The following GLCCI1 variants were observed in gnomAD, a reference collection of about 807,000 sequenced individuals.
The protein encoded by GLCCI1 is glucocorticoid induced 1, also known as glucocorticoid-induced transcript 1 protein.
Under a neutral mutation model 52.2 loss-of-function variants are expected in GLCCI1, and 24 were observed. That is an observed-to-expected ratio of 0.46 (90% CI 0.33 to 0.65). The LOEUF is 0.65. GLCCI1 is among the 30% of genes least tolerant of loss of function. The probability of loss-of-function intolerance (pLI) is 0.02; values close to 1 mark genes in which losing one functional copy is unlikely to be tolerated. For missense variants in GLCCI1, 704 were observed against 701.5 expected (o/e 1.00, Z -0.04); for synonymous variants, 310 against 276.5 (o/e 1.12, Z -1.20).
intron 2 of GLCCI1, 59 bp downstream of exon 2, chr7:8,004,118 G>A: frequency 2.8e-6 from 4 of 1,411,762 alleles, no homozygotes; most frequent in Non-Finnish European, 3.8e-6. Flanking sequence ...TTTGATCACA[G>A]TAAAGAAAAT....
intron 5 of GLCCI1, among the ~76,000 whole-genome samples, chr7:8,060,486 T>C (rs1416109690): frequency 2.6e-5 from 4 of 152,248 alleles, no homozygotes. Flanking sequence ...CAGTGGTCTC[T>C]CATTTCCCTG....
intron 1 of GLCCI1, among the ~76,000 whole-genome samples, chr7:8,001,029 C>T (rs1583960438): frequency 6.6e-6 from 1 of 152,106 alleles, no homozygotes; most frequent in Admixed American, 6.6e-5. Context: ...GGGCATTTAG[C>T]CCATTTACAT....
rs143677628 is a variant in GLCCI1 at position 7,994,014 on chromosome 7, A to G, written c.458-9894A>G. On this transcript the variant is annotated intron_variant, in intron 1 of 7. Transcript: ENST00000223145. ...TTGTCCTTGAATCTTTTGTTTGGCT[A>G]TTGTCTTAATCTGTTTCGTATTGCT... is the stretch of plus-strand genomic sequence containing the variant. Among the ~76,000 whole-genome samples the G allele has an allele frequency of 6.1e-3, 935 of 152,256 alleles. 11 individuals are homozygous for G. Among genetic ancestry groups the G allele is most frequent in the African/African-American group, 0.019 (802 of 41,552 alleles).
intron 1 of GLCCI1, among the ~76,000 whole-genome samples, chr7:7,979,006 T>A (rs1280292280): frequency 1.3e-5 from 2 of 152,222 alleles, no homozygotes; most frequent in Non-Finnish European, 2.9e-5. Flanking sequence ...GGAGTTACTC[T>A]GACACATTGA....
Position 7,969,262 on chromosome 7 carries a change from G to T in GLCCI1, c.-89G>T, listed in dbSNP as rs1203628799. ...GCCCCTCCCCCTTACACACTCGCAC[G>T]CACTATCGCGCCGGCTCCCACACGC... On this transcript the variant is annotated 5_prime_UTR_variant, in exon 1 of 8. Coordinates refer to ENST00000223145, the MANE Select transcript of GLCCI1 (RefSeq NM_138426.4). This position sits in a 1 kb window ranked among gnomAD's most constrained non-coding sequence, Gnocchi z 4.9. 1.0e-6 allele frequency: 1 copy of T among 960,008 alleles called. No individual in the cohort carries two copies. The highest frequency in any genetic ancestry group is 1.3e-6 in the Non-Finnish European group (1 of 775,672). The allele number at this position is 960,008 out of a possible 1,614,324, so 59.5% of individuals were successfully genotyped here. A position where few individuals can be genotyped will look rare whatever the true frequency, so the allele number is the denominator to read the frequency against.
At chr7:8,017,419 T>G in intron 2 of GLCCI1, among the ~76,000 whole-genome samples, 1 of 152,184 alleles carries the variant, frequency 6.6e-6, no homozygotes, top group East Asian at 1.9e-4. Flanking sequence ...TAACACTGGT[T>G]TTCAAACTTT....
At chr7:8,062,592 A>G (rs1782543960) in intron 5 of GLCCI1, among the ~76,000 whole-genome samples, 1 of 152,240 alleles carries the variant, frequency 6.6e-6, no homozygotes. Context: ...CTGATAAGGT[A>G]GTTTTTCAAT....
intron 6 of GLCCI1, among the ~76,000 whole-genome samples, chr7:8,080,629 C>T (rs918118481): frequency 1.3e-5 from 2 of 151,184 alleles, no homozygotes; most frequent in African/African-American, 2.5e-5. Flanking sequence ...CTGTATGTAC[C>T]GGAGTAGAGT....
rs1261113752 is a variant in GLCCI1, at chr7:8,071,036, G to A, written c.1082G>A (p.Ser361Asn). The A allele has an allele frequency of 2.5e-6, 4 of 1,614,172 alleles. No homozygotes were observed. Among genetic ancestry groups the A allele is most frequent in the Non-Finnish European group, 3.4e-6 (4 of 1,180,014 alleles). ...GTCCAGGAGCGCAGCAGTAGCTGCA[G>A]CAGTCATTCACCCTGTGTCTCCCCT... ...PSVQERSSSC[S>N]SHSPCVSPFC... Residue 361 changes from serine (S) to asparagine (N), a missense_variant, in exon 6 of 8, where the codon AGC becomes AAC. Ser to Asn is a conservative substitution (Grantham distance 46). Coordinates refer to ENST00000223145, the MANE Select transcript of GLCCI1 (RefSeq NM_138426.4).
At chr7:8,000,121 A>G (rs1248632352) in intron 1 of GLCCI1, among the ~76,000 whole-genome samples, 2 of 152,308 alleles carry the variant, frequency 1.3e-5, no homozygotes, top group East Asian at 3.9e-4. Context: ...TTTTAAATTT[A>G]GAGGTCAACT....
At chr7:7,976,511 GGAAAGGA>G (rs1196000585) in intron 1 of GLCCI1, among the ~76,000 whole-genome samples, 6 of 111,098 alleles carry the variant, frequency 5.4e-5, no homozygotes, top group African/African-American at 2.0e-4. Flanking sequence ...AAAGGAAAAA[GGAAAGGA>G]GAAAGGAAAA....
chr7:8,053,515 A>G (rs10231036), intron 3 of GLCCI1, among the ~76,000 whole-genome samples: 61,958 of 139,160 alleles, frequency 0.45, 13,447 homozygotes, highest in Middle Eastern at 0.54. Flanking sequence ...TTTTTTTTTT[A>G]GCAGAGATGG....
chr7:8,074,773 G>C (rs1011146316), intron 6 of GLCCI1, among the ~76,000 whole-genome samples: 1 of 152,114 alleles, frequency 6.6e-6, no homozygotes, highest in Non-Finnish European at 1.5e-5. Flanking sequence ...ATAAAAGGAA[G>C]CTGTATAGCT....
chr7:8,085,284 A>T (rs1378724040), intron 7 of GLCCI1, among the ~76,000 whole-genome samples: 1 of 152,190 alleles, frequency 6.6e-6, no homozygotes, highest in African/African-American at 2.4e-5. Flanking sequence ...AAGAATTGTC[A>T]TTTCAGGAAC....
intron 1 of GLCCI1, among the ~76,000 whole-genome samples, chr7:7,984,199 C>T (rs1255220155): frequency 1.3e-5 from 2 of 152,006 alleles, no homozygotes; most frequent in Middle Eastern, 3.2e-3. Flanking sequence ...TATCCAGGAC[C>T]ACAGGCATGT....
At chr7:7,981,005 C>T in intron 1 of GLCCI1, 1 of 538,186 alleles carries the variant, frequency 1.9e-6, no homozygotes, top group South Asian at 1.6e-5. Context: ...AAACGAAGGT[C>T]AGCCGAAGAA....
intron 6 of GLCCI1, among the ~76,000 whole-genome samples, chr7:8,076,810 A>G (rs1388508215): frequency 6.6e-6 from 1 of 152,070 alleles, no homozygotes; most frequent in Non-Finnish European, 1.5e-5. Context: ...ACTAGTGCCT[A>G]GCATGGTGTA....
At chr7:7,997,095 C>T (rs1384540910) in intron 1 of GLCCI1, among the ~76,000 whole-genome samples, 3 of 152,088 alleles carry the variant, frequency 2.0e-5, no homozygotes, top group Non-Finnish European at 4.4e-5. Context: ...CTTAGGAAAA[C>T]TAAATCTAGT....
intron 6 of GLCCI1, among the ~76,000 whole-genome samples, chr7:8,083,024 G>A (rs1452378002): frequency 6.6e-6 from 1 of 152,194 alleles, no homozygotes; most frequent in African/African-American, 2.4e-5. Context: ...GATGCTAATG[G>A]TATCAGGCTG....
Sources: allele counts gnomAD v4.1 joint callset (sites outside exome capture counted in the v4.1 genomes callset), GRCh38; gene constraint gnomAD v4.1.1; non-coding constraint Gnocchi (gnomAD v3.1); transcripts MANE v1.5; gene names NCBI Gene and HGNC (gene_info 2026-07-23, HGNC 2026-07-21).